The following NR6A1 variants were observed in gnomAD, a reference collection of about 807,000 sequenced individuals.
The protein encoded by NR6A1 is nuclear receptor subfamily 6 group A member 1, also known as retinoic acid receptor-related testis-associated receptor.
NR6A1 carries 7 observed loss-of-function variants against 59.1 expected under a neutral mutation model. The observed-to-expected ratio is 0.12, with a 90% CI of 0.07 to 0.22. NR6A1 has a LOEUF of 0.22. Among genes scored for constraint, NR6A1 ranks in the 10% least tolerant of loss-of-function variants. NR6A1 has a pLI of 1.00. For missense variants in NR6A1, 468 were observed against 611.6 expected (o/e 0.77, Z 2.48); for synonymous variants, 243 against 236.1 (o/e 1.03, Z -0.27).
intron 2 of NR6A1, among the ~76,000 whole-genome samples, chr9:124,632,668 T>A (rs1004669500): frequency 2.0e-5 from 3 of 152,240 alleles, no homozygotes; most frequent in African/African-American, 7.2e-5. Context: ...GTGCTGTTCC[T>A]AAAAGGCTTA....
chr9:124,665,917 A>G (rs1160488576), intron 2 of NR6A1, among the ~76,000 whole-genome samples: 4 of 152,238 alleles, frequency 2.6e-5, no homozygotes, highest in Admixed American at 2.6e-4. Flanking sequence ...TCCTAGGACT[A>G]ATACAATGAA....
intron 7 of NR6A1, among the ~76,000 whole-genome samples, chr9:124,532,581 T>A (rs140311546): frequency 6.6e-6 from 1 of 152,160 alleles, no homozygotes; most frequent in Non-Finnish European, 1.5e-5. Flanking sequence ...ACTCAGTAAA[T>A]GGCCATGGAA....
chr9:124,668,137 G>T (rs1837682403), intron 2 of NR6A1, among the ~76,000 whole-genome samples: 1 of 152,238 alleles, frequency 6.6e-6, no homozygotes, highest in South Asian at 2.1e-4. Flanking sequence ...TATGTTATAT[G>T]TGTTATATAT....
chr9:124,540,660 C>G (rs532232085), intron 4 of NR6A1, among the ~76,000 whole-genome samples: 1 of 152,134 alleles, frequency 6.6e-6, no homozygotes, highest in African/African-American at 2.4e-5. Flanking sequence ...TTAGTTGGGC[C>G]TGGTGGTGCA....
intron 3 of NR6A1, among the ~76,000 whole-genome samples, chr9:124,554,121 A>C (rs1237140983): frequency 6.6e-6 from 1 of 152,228 alleles, no homozygotes; most frequent in African/African-American, 2.4e-5. Flanking sequence ...CTGTGCACTC[A>C]TTCCCACCTT....
chr9:124,574,328 C>G (rs1269167104), intron 2 of NR6A1, among the ~76,000 whole-genome samples: 1 of 152,136 alleles, frequency 6.6e-6, no homozygotes, highest in East Asian at 1.9e-4. Flanking sequence ...CCACTCTGAT[C>G]AGAGGCAGGA....
Position 124,564,681 on chromosome 9 carries a change from C to CTGTGTGTGTGTGTGTGTG in NR6A1, c.143-10129_143-10112dup, listed in dbSNP as rs56301413. Among the ~76,000 whole-genome samples, 529 of 149,388 alleles carry CTGTGTGTGTGTGTGTGTG rather than the reference C, an allele frequency of 3.5e-3. 5 individuals carry two copies. Among genetic ancestry groups the CTGTGTGTGTGTGTGTGTG allele is most frequent in the African/African-American group, 0.013 (512 of 40,770 alleles). On this transcript the variant is annotated intron_variant, in intron 2 of 9. Coordinates refer to ENST00000487099, the MANE Select transcript of NR6A1 (RefSeq NM_033334.4). ...TAAGGTCCCATTCAAAATCCACACT[C>CTGTGTGTGTGTGTGTGTG]TGTGTGTGTGTGTGTGTGTGTGTGT...
Position 124,522,750 on chromosome 9 carries a change from A to G in NR6A1, c.1398T>C (p.Phe466=). The part of the protein sequence containing the change: ...NVPLEQLPLL[F]KVVLHSCKTS... ...TCTTGCAGGAATGCAGCACCACCTT[A>G]AAGAGGAGGGGCAGCTGCTCCAGGG... The change falls in exon 10 of 10, where the codon TTT becomes TTC. Residue 466 remains phenylalanine, a synonymous_variant. Coordinates refer to ENST00000487099, the MANE Select transcript of NR6A1 (RefSeq NM_033334.4). The G allele has an allele frequency of 6.3e-7, 1 of 1,594,452 alleles. No individual in the cohort carries two copies.
intron 1 of NR6A1, among the ~76,000 whole-genome samples, chr9:124,759,425 C>T (rs1840726540): frequency 6.6e-6 from 1 of 152,174 alleles, no homozygotes; most frequent in Non-Finnish European, 1.5e-5. Flanking sequence ...TTGGATTTAG[C>T]TTAAACACAC....
At chr9:124,702,947 C>A (rs965527682) in intron 2 of NR6A1, among the ~76,000 whole-genome samples, 2 of 151,732 alleles carry the variant, frequency 1.3e-5, no homozygotes, top group African/African-American at 2.4e-5. Flanking sequence ...GTCACCCAGG[C>A]TGGAGTGCAG....
chr9:124,556,378 G>C (rs985957794), intron 2 of NR6A1, among the ~76,000 whole-genome samples: 1 of 152,112 alleles, frequency 6.6e-6, no homozygotes, highest in East Asian at 1.9e-4. Context: ...GAAGTTGGAA[G>C]AGGCAAGGAA....
chr9:124,565,873 G>A (rs1325575153), intron 2 of NR6A1, among the ~76,000 whole-genome samples: 1 of 152,224 alleles, frequency 6.6e-6, no homozygotes, highest in Non-Finnish European at 1.5e-5. Context: ...TGGTAGGACT[G>A]TTTGTTTACA....
chr9:124,599,418 TC>T (rs1835381961), intron 2 of NR6A1: 1 of 339,188 alleles, frequency 2.9e-6, no homozygotes, highest in Admixed American at 4.2e-5. Context: ...ATACATGGTC[TC>T]AAAAAAAAAA....
intron 2 of NR6A1, among the ~76,000 whole-genome samples, chr9:124,587,629 C>T (rs1391901833): frequency 6.6e-6 from 1 of 152,182 alleles, no homozygotes. Context: ...GGGCCCCAAA[C>T]ACAGACGTGT....
intron 2 of NR6A1, among the ~76,000 whole-genome samples, chr9:124,561,438 T>C (rs1390550317): frequency 6.6e-6 from 1 of 151,668 alleles, no homozygotes; most frequent in Non-Finnish European, 1.5e-5. Context: ...GAGATCCCAT[T>C]TCTAAAAACA....
intron 1 of NR6A1, among the ~76,000 whole-genome samples, chr9:124,770,768 C>T (rs908381121): frequency 1.5e-4 from 22 of 146,772 alleles, no homozygotes; most frequent in Non-Finnish European, 2.4e-4. Context: ...AGCTCGGTGC[C>T]CAGGGACCCG....
chr9:124,690,956 A>G (rs1448206607), intron 2 of NR6A1, among the ~76,000 whole-genome samples: 2 of 152,232 alleles, frequency 1.3e-5, no homozygotes, highest in Admixed American at 6.5e-5. Flanking sequence ...GTCTGTGAAA[A>G]GCATTCTTTT....
intron 2 of NR6A1, among the ~76,000 whole-genome samples, chr9:124,602,608 T>G (rs559001048): frequency 9.5e-4 from 144 of 152,336 alleles, no homozygotes; most frequent in African/African-American, 3.2e-3. Context: ...CAGCCCTCAC[T>G]TCTCTGGTTG....
At chr9:124,716,304 A>G (rs1839415980) in intron 2 of NR6A1, among the ~76,000 whole-genome samples, 1 of 152,240 alleles carries the variant, frequency 6.6e-6, no homozygotes, top group Non-Finnish European at 1.5e-5. Flanking sequence ...CATAATACAG[A>G]AAAAACAAAT....
Sources: allele counts gnomAD v4.1 joint callset (sites outside exome capture counted in the v4.1 genomes callset), GRCh38; gene constraint gnomAD v4.1.1; transcripts MANE v1.5; gene names NCBI Gene and HGNC (gene_info 2026-07-23, HGNC 2026-07-21).